RBFOX1: variants seen among roughly 807,000 people sequenced by gnomAD.
RBFOX1 encodes RNA binding protein fox-1 homolog 1.
Under a neutral mutation model 57.7 loss-of-function variants are expected in RBFOX1, and 8 were observed. The ratio of observed to expected loss-of-function variants is 0.14; its 90% CI spans 0.08 to 0.25. The LOEUF (loss-of-function observed/expected upper bound fraction) is 0.25, where lower values mean the gene tolerates loss of function less well. RBFOX1 is among the 10% of genes least tolerant of loss of function. The pLI, the probability that RBFOX1 is intolerant of heterozygous loss-of-function variation, is 1.00. For missense variants in RBFOX1, 611 were observed against 548.5 expected, an observed-to-expected ratio of 1.11 and a Z score of -1.14; for synonymous variants, 326 against 222.4, an observed-to-expected ratio of 1.47 and a Z score of -4.15.
chr16:6,706,419 C>G (rs17140983), intron 3 of RBFOX1, among the ~76,000 whole-genome samples: 1,816 of 152,308 alleles, frequency 0.012, 37 homozygotes, highest in African/African-American at 0.041. Flanking sequence ...CTTAATTTGG[C>G]ATGATAATTA....
At chr16:5,529,299 A>G (rs1299548073) in intron 2 of RBFOX1, among the ~76,000 whole-genome samples, 1 of 151,928 alleles carries the variant, frequency 6.6e-6, no homozygotes, top group African/African-American at 2.4e-5. Flanking sequence ...CACCTACCTT[A>G]GAATGTGAGA....
intron 3 of RBFOX1, among the ~76,000 whole-genome samples, chr16:7,027,014 C>T (rs923493348): frequency 2.0e-5 from 3 of 152,096 alleles, no homozygotes; most frequent in Admixed American, 2.0e-4. Context: ...GTGCTGCAGC[C>T]ACAGCCCACA....
chr16:6,262,332 G>T (rs1444528596), intron 1 of RBFOX1, among the ~76,000 whole-genome samples: 1 of 152,136 alleles, frequency 6.6e-6, no homozygotes, highest in East Asian at 1.9e-4. Context: ...CCCGAAATTA[G>T]TCACATGGGT....
intron 4 of RBFOX1, among the ~76,000 whole-genome samples, chr16:7,186,162 C>G (rs2083701209): frequency 6.6e-6 from 1 of 150,586 alleles, no homozygotes; most frequent in African/African-American, 2.4e-5. Flanking sequence ...ATACTTATCT[C>G]TAATGACATA....
At chr16:6,084,210 A>G (rs1382552650) in intron 1 of RBFOX1, among the ~76,000 whole-genome samples, 1 of 152,024 alleles carries the variant, frequency 6.6e-6, no homozygotes, top group Non-Finnish European at 1.5e-5. Context: ...AATTTGCAGT[A>G]TTTAATGGTC....
At chr16:7,309,916 C>T (rs1702261020) in intron 4 of RBFOX1, among the ~76,000 whole-genome samples, 2 of 152,250 alleles carry the variant, frequency 1.3e-5, no homozygotes, top group South Asian at 4.2e-4. Flanking sequence ...AGAAGTGTCC[C>T]AATGTTCTGT....
chr16:6,990,484 C>G (rs1038122450), intron 3 of RBFOX1, among the ~76,000 whole-genome samples: 1 of 152,008 alleles, frequency 6.6e-6, no homozygotes, highest in Non-Finnish European at 1.5e-5. Context: ...GAGATCTCGC[C>G]ACTGCATTCC....
intron 3 of RBFOX1, among the ~76,000 whole-genome samples, chr16:6,888,082 A>T (rs2064544064): frequency 6.6e-6 from 1 of 152,044 alleles, no homozygotes; most frequent in African/African-American, 2.4e-5. Flanking sequence ...ATTAGTGTAA[A>T]ATTTTTAATA....
At chr16:6,585,396 T>G (rs2097594448) in intron 2 of RBFOX1, among the ~76,000 whole-genome samples, 2 of 152,302 alleles carry the variant, frequency 1.3e-5, no homozygotes, top group South Asian at 4.1e-4. Flanking sequence ...GACTTTTACT[T>G]CGACTCTTTT....
intron 3 of RBFOX1, among the ~76,000 whole-genome samples, chr16:5,641,136 A>T (rs1380977523): frequency 1.3e-5 from 2 of 151,116 alleles, no homozygotes; most frequent in Admixed American, 6.6e-5. Context: ...ACACATGCAC[A>T]CCATGAATAC....
chr16:7,108,599 G>C (rs999732302), intron 4 of RBFOX1, among the ~76,000 whole-genome samples: 30 of 152,122 alleles, frequency 2.0e-4, no homozygotes, highest in African/African-American at 6.0e-4. Flanking sequence ...AGTGGGATTT[G>C]TTAGAGATAT....
intron 5 of RBFOX1, among the ~76,000 whole-genome samples, chr16:7,568,593 T>G (rs11639742): frequency 6.6e-6 from 1 of 151,812 alleles, no homozygotes; most frequent in African/African-American, 2.4e-5. Flanking sequence ...GTGACTTAGA[T>G]TGCCTTAACT....
chr16:7,310,136 C>G (rs2089609026), intron 4 of RBFOX1, among the ~76,000 whole-genome samples: 3 of 152,196 alleles, frequency 2.0e-5, no homozygotes, highest in South Asian at 2.1e-4. Flanking sequence ...GGCCCTGGCC[C>G]TTTAACCATG....
intron 4 of RBFOX1, among the ~76,000 whole-genome samples, chr16:7,134,182 C>T (rs933115474): frequency 4.6e-5 from 7 of 152,072 alleles, no homozygotes; most frequent in Non-Finnish European, 1.0e-4. Context: ...TTTGAGGTTT[C>T]AGTAAAGGTC....
At chr16:5,700,018 G>C (rs1245710255) in intron 3 of RBFOX1, among the ~76,000 whole-genome samples, 1 of 152,054 alleles carries the variant, frequency 6.6e-6, no homozygotes, top group African/African-American at 2.4e-5. Flanking sequence ...ATTTTTAGTA[G>C]AGACGGGGTT....
At chr16:5,740,250 G>GTCA in intron 3 of RBFOX1, among the ~76,000 whole-genome samples, 1 of 152,254 alleles carries the variant, frequency 6.6e-6, no homozygotes, top group African/African-American at 2.4e-5. Context: ...CTGTTGATCA[G>GTCA]TCATCATCAG....
At chr16:6,324,167 C>T (rs1422702590) in intron 2 of RBFOX1, among the ~76,000 whole-genome samples, 1 of 113,812 alleles carries the variant, frequency 8.8e-6, no homozygotes, top group Non-Finnish European at 1.6e-5. Context: ...CCTTCTGAGT[C>T]TCCATAGTTC....
At chr16:7,010,274 G>C (rs1364795241) in intron 3 of RBFOX1, among the ~76,000 whole-genome samples, 1 of 152,198 alleles carries the variant, frequency 6.6e-6, no homozygotes, top group Non-Finnish European at 1.5e-5. Flanking sequence ...AGGACCAAGA[G>C]AAAACTGCTT....
In RBFOX1 at chr16:6,746,659, C is replaced by T. The variant is rs866947999; in HGVS notation, c.-16+92009C>T. ...TGCCACTGCACTTCAGCCTGAGTGA[C>T]GAGTGAGACACAGGTGTCAGGGAAA... On this transcript the variant is annotated intron_variant, in intron 3 of 15. Coordinates refer to ENST00000550418, the MANE Select transcript of RBFOX1 (RefSeq NM_018723.4). 7.3e-5 allele frequency among the ~76,000 whole-genome samples: 11 copies of T among 150,156 alleles called. 1 individual carries two copies. Among genetic ancestry groups the T allele is most frequent in the African/African-American group, 2.5e-4 (10 of 40,630 alleles).
Sources: allele counts gnomAD v4.1 joint callset (sites outside exome capture counted in the v4.1 genomes callset), GRCh38; gene constraint gnomAD v4.1.1; transcripts MANE v1.5; gene names NCBI Gene and HGNC (gene_info 2026-07-23, HGNC 2026-07-21).